WFDC9: variants seen among roughly 807,000 people sequenced by gnomAD.
WFDC9 encodes the protein protein WFDC9.
WFDC9 carries 9 observed loss-of-function variants against 9.5 expected under a neutral mutation model. That is an observed-to-expected ratio of 0.95 (90% CI 0.57 to 1.65). The LOEUF (loss-of-function observed/expected upper bound fraction) is 1.65. Ranked by LOEUF, WFDC9 falls within the 40% of genes most tolerant of loss-of-function variation. WFDC9 has a pLI of 0.00. For synonymous variants in WFDC9, 33 were observed against 32.3 expected, an observed-to-expected ratio of 1.02 and a Z score of -0.07; for missense variants, 87 against 106.7, an observed-to-expected ratio of 0.82 and a Z score of 0.81.
At chr20:45,626,480 T>C (rs1982221921) in intron 1 of WFDC9, among the ~76,000 whole-genome samples, 1 of 152,184 alleles carries the variant, frequency 6.6e-6, no homozygotes, top group Non-Finnish European at 1.5e-5. Flanking sequence ...TATCAGTGTT[T>C]TGTAGTTTTC....
chr20:45,611,641 C>T (rs1001349631), intron 2 of WFDC9, among the ~76,000 whole-genome samples: 1 of 152,104 alleles, frequency 6.6e-6, no homozygotes, highest in Non-Finnish European at 1.5e-5. Flanking sequence ...AATTTCTTCT[C>T]GTTATAAAAA....
At position 45,625,064 on chromosome 20, in the gene WFDC9, T is replaced by C. The variant is rs1204180380; in HGVS notation, c.-153+6139A>G. 2.0e-5 allele frequency among the ~76,000 whole-genome samples: 3 copies of C among 152,214 alleles called. No homozygotes were observed. In the East Asian group the frequency reaches 5.8e-4, roughly 29 times the overall value. Reference sequence around the variant, plus strand: ...ATACTACCTGAGACTGGGTAATTTATAAACAAAAGAGGTTTAATTTACTCA... The same window carrying C: ...ATACTACCTGAGACTGGGTAATTTACAAACAAAAGAGGTTTAATTTACTCA... On this transcript the variant is annotated intron_variant, in intron 1 of 4. Transcript: ENST00000326000.
At chr20:45,608,835 T>C (rs780953902) in intron 3 of WFDC9, 25 bp from the exon 4 acceptor site, 1 of 1,595,688 alleles carries the variant, frequency 6.3e-7, no homozygotes, top group Non-Finnish European at 8.5e-7. Flanking sequence ...GTTAGCAGGG[T>C]CCGTCTATTC....
chr20:45,619,013 G>A (rs1270888676), intron 1 of WFDC9, among the ~76,000 whole-genome samples: 1 of 152,142 alleles, frequency 6.6e-6, no homozygotes, highest in African/African-American at 2.4e-5. Flanking sequence ...GTATATGTCT[G>A]GACTCCAGGG....
At chr20:45,614,887 A>G (rs1204192248) in intron 1 of WFDC9, among the ~76,000 whole-genome samples, 166 bp from the exon 2 acceptor site, 1 of 152,194 alleles carries the variant, frequency 6.6e-6, no homozygotes, top group African/African-American at 2.4e-5. Context: ...TCTAAGGTGC[A>G]GGTGGGATCC....
chr20:45,627,585 G>C (rs946644091), intron 1 of WFDC9, among the ~76,000 whole-genome samples: 24 of 152,036 alleles, frequency 1.6e-4, no homozygotes, highest in African/African-American at 5.8e-4. Context: ...ATTTCCTCTA[G>C]GTTTTTGAAT....
intron 3 of WFDC9, among the ~76,000 whole-genome samples, chr20:45,609,717 C>T (rs577202416): frequency 7.9e-5 from 12 of 152,270 alleles, no homozygotes; most frequent in African/African-American, 2.9e-4. Context: ...ACTAAATTAA[C>T]GTGTTAAATA....
intron 1 of WFDC9, among the ~76,000 whole-genome samples, chr20:45,623,804 T>A (rs933178134): frequency 6.6e-6 from 1 of 152,190 alleles, no homozygotes; most frequent in African/African-American, 2.4e-5. Context: ...CTTCTAGCTA[T>A]TTGAAATTAT....
chr20:45,608,743 C>A lies in WFDC9; in HGVS notation c.159G>T (p.Arg53Ser). The A allele has an allele frequency of 6.2e-7, 1 of 1,614,126 alleles. No individual in the cohort carries two copies. Among genetic ancestry groups the A allele is most frequent in the Non-Finnish European group, 8.5e-7 (1 of 1,179,976 alleles). ...GTACACAAGTCATTATTTTAGTACA[C>A]CTTTTCTCACAGTACTTATATGGAG... Reference protein sequence around the residue: ...VQPPYKYCEKRCTKIMTCVRP... With the variant: ...VQPPYKYCEKSCTKIMTCVRP... Residue 53 changes from arginine to serine, a missense_variant, in exon 4 of 5, where the codon AGG becomes AGT. Transcript: ENST00000326000.
chr20:45,628,605 G>A (rs932709393), intron 1 of WFDC9, among the ~76,000 whole-genome samples: 1 of 152,066 alleles, frequency 6.6e-6, no homozygotes, highest in Admixed American at 6.6e-5. Flanking sequence ...CTTTGGGAAG[G>A]GTCAAATACC....
At chr20:45,611,044 T>C (rs1031503705) in intron 2 of WFDC9, among the ~76,000 whole-genome samples, 1 of 152,256 alleles carries the variant, frequency 6.6e-6, no homozygotes, top group Non-Finnish European at 1.5e-5. Flanking sequence ...AAGAGGGCTC[T>C]AATTTGTGAA....
intron 1 of WFDC9, among the ~76,000 whole-genome samples, chr20:45,628,543 C>A (rs984388858): frequency 3.3e-5 from 5 of 152,112 alleles, no homozygotes; most frequent in African/African-American, 1.2e-4. Flanking sequence ...TGTCCAGTCT[C>A]TAAATTGTTC....
At position 45,628,538 on chromosome 20, in the gene WFDC9, A is replaced by G. The variant is rs140892127; in HGVS notation, c.-153+2665T>C. Among the ~76,000 whole-genome samples, 276 of 152,352 alleles carry G rather than the reference A, an allele frequency of 1.8e-3. 2 individuals carry two copies. Among genetic ancestry groups the G allele is most frequent in the African/African-American group, 6.4e-3 (266 of 41,594 alleles). ...TGCTAGGATAGTTATGACAGTGTCC[A>G]GTCTCTAAATTGTTCATTTATGAGT... is the stretch of plus-strand genomic sequence containing the variant. On this transcript the variant is annotated intron_variant, in intron 1 of 4. Transcript: ENST00000326000.
intron 1 of WFDC9, among the ~76,000 whole-genome samples, chr20:45,616,040 T>A (rs77752648): frequency 1.5e-3 from 210 of 137,290 alleles, no homozygotes; most frequent in South Asian, 2.8e-3. Flanking sequence ...GCTGTGGCAA[T>A]TTATTAAAAT....
chr20:45,618,113 C>T (rs1410691101), intron 1 of WFDC9, among the ~76,000 whole-genome samples: 1 of 152,180 alleles, frequency 6.6e-6, no homozygotes, highest in East Asian at 1.9e-4. Context: ...TCACATTGCC[C>T]TTTTGTGTTT....
At chr20:45,615,968 G>T (rs1418939973) in intron 1 of WFDC9, among the ~76,000 whole-genome samples, 3 of 152,162 alleles carry the variant, frequency 2.0e-5, no homozygotes, top group Non-Finnish European at 2.9e-5. Flanking sequence ...CTGGTGGAGG[G>T]TCTTCCCTCA....
At chr20:45,617,186 G>A (rs1165234334) in intron 1 of WFDC9, among the ~76,000 whole-genome samples, 1 of 152,250 alleles carries the variant, frequency 6.6e-6, no homozygotes, top group Admixed American at 6.5e-5. Context: ...GCCAAGTGCA[G>A]TGGCTCACGC....
intron 1 of WFDC9, among the ~76,000 whole-genome samples, chr20:45,623,161 C>A (rs1419312038): frequency 6.6e-6 from 1 of 151,982 alleles, no homozygotes; most frequent in East Asian, 1.9e-4. Flanking sequence ...CAGTTATTCA[C>A]CAAGAAAAAC....
chr20:45,631,020 T>G, intron 1 of WFDC9, 183 bp downstream of exon 1: 1 of 1,594,262 alleles, frequency 6.3e-7, no homozygotes, highest in Non-Finnish European at 8.5e-7. Context: ...ATCCTGTGAG[T>G]GGGAGAGTGG....
Sources: allele counts gnomAD v4.1 joint callset (sites outside exome capture counted in the v4.1 genomes callset), GRCh38; gene constraint gnomAD v4.1.1; transcripts MANE v1.5; gene names NCBI Gene and HGNC (gene_info 2026-07-23, HGNC 2026-07-21).